Variants in DOK4 observed in about 807,000 individuals in gnomAD.
DOK4 encodes downstream of tyrosine kinase 4.
A neutral mutation model predicts 40.1 loss-of-function variants in DOK4; 26 were observed. The observed-to-expected ratio is 0.65, with a 90% CI of 0.48 to 0.90. The LOEUF (loss-of-function observed/expected upper bound fraction) is 0.90. Ranked by LOEUF, DOK4 falls within the 40% of genes least tolerant of loss-of-function variation. DOK4 has a pLI of 0.00. For missense variants in DOK4, 392 were observed against 437.2 expected (o/e 0.90, Z 0.92); for synonymous variants, 179 against 177.0 (o/e 1.01, Z -0.09).
At chr16:57,472,703 A>G (rs910822039) in exon 9 of DOK4, 6 of 152,442 alleles carry the variant, frequency 3.9e-5, no homozygotes, top group African/African-American at 1.4e-4. Context: ...CAAAGCAGGA[A>G]GGAGCCTGTG....
In DOK4 at chr16:57,474,888, G is replaced by A. The variant is rs766339715; in HGVS notation, c.504C>T (p.Asp168=). The A allele has an allele frequency of 1.4e-5, 22 of 1,614,066 alleles. No individual in the cohort carries two copies. In the Admixed American group the frequency reaches 2.3e-4, roughly 17 times the overall value. ...CGAGCTTCACACGGGGGTTGTGGATGTCCCAGAGGTAGATGTTCTCGTGGG... is the reference window on the plus strand; with the variant it reads ...CGAGCTTCACACGGGGGTTGTGGATATCCCAGAGGTAGATGTTCTCGTGGG... Residue 168 remains aspartate, a synonymous_variant, in exon 6 of 9, where the codon GAC becomes GAT. Transcript: ENST00000340099.
upstream of DOK4, among the ~76,000 whole-genome samples, chr16:57,486,811 C>T (rs1242136557): frequency 1.3e-5 from 2 of 150,806 alleles, no homozygotes; most frequent in African/African-American, 5.0e-5. Flanking sequence ...TCCCAGCCCC[C>T]ATATCTCAAT....
exon 8 of DOK4, chr16:57,473,631 C>G: frequency 6.2e-7 from 1 of 1,614,236 alleles, no homozygotes; most frequent in Non-Finnish European, 8.5e-7. Flanking sequence ...CTGGAGGCTT[C>G]GGCGATGTTC....
chr16:57,481,490 AT>A, intron 1 of DOK4: 1 of 152,354 alleles, frequency 6.6e-6, no homozygotes, highest in Middle Eastern at 3.4e-3. Context: ...AGATGGGTCA[AT>A]TTTCTCAGCT....
upstream of DOK4, chr16:57,486,551 G>A (rs1380338603): frequency 3.4e-5 from 5 of 147,880 alleles, no homozygotes; most frequent in African/African-American, 1.2e-4. Context: ...GCCCCGCCCT[G>A]GCGGCCGGCC....
At chr16:57,475,526 C>T (rs150601085) in exon 4 of DOK4, 137 of 1,607,820 alleles carry the variant, frequency 8.5e-5, no homozygotes, top group Non-Finnish European at 9.7e-5. Flanking sequence ...GGTGAAGGTA[C>T]GTGCCGAGTC....
chr16:57,475,824 G>A (rs760640603), intron 3 of DOK4, 26 bp downstream of exon 3: 1 of 1,595,302 alleles, frequency 6.3e-7, no homozygotes, highest in South Asian at 1.1e-5. Flanking sequence ...TGCCACTTGG[G>A]GGAGCTAGGG....
exon 4 of DOK4, chr16:57,475,549 G>A (rs375338208): frequency 1.6e-5 from 25 of 1,609,840 alleles, no homozygotes; most frequent in Middle Eastern, 4.3e-4. Flanking sequence ...CAGTGAATAT[G>A]ATGGCCACCG....
chr16:57,477,327 C>T (rs1213210603), intron 2 of DOK4, among the ~76,000 whole-genome samples: 1 of 152,198 alleles, frequency 6.6e-6, no homozygotes, highest in Non-Finnish European at 1.5e-5. Context: ...GGCCCCTGTC[C>T]TACCCACCTA....
chr16:57,473,526 G>A (rs371656807), intron 8 of DOK4, 31 bp from the exon 9 acceptor site: 1 of 1,614,108 alleles, frequency 6.2e-7, no homozygotes, highest in African/African-American at 1.3e-5. Context: ...TCAGAACTCA[G>A]AGCTAGGTCA....
At position 57,485,911 on chromosome 16, in the gene DOK4, C is replaced by CAGGA. The variant is rs1288214667; in HGVS notation, c.-182+390_-182+393dup. ...TTGGAATTTGGAGGAGGTGAGCGAA[C>CAGGA]AGGAGGCCCCGGGGAGGAGCAGGAA... is the stretch of plus-strand genomic sequence containing the variant. On this transcript the variant is annotated intron_variant, in intron 1 of 8. Transcript: ENST00000340099. This position sits in a 1 kb window ranked among gnomAD's most constrained non-coding sequence, Gnocchi z 4.3. 6.6e-6 allele frequency among the ~76,000 whole-genome samples: 1 copy of CAGGA among 152,112 alleles called. No homozygotes were observed. The highest frequency in any genetic ancestry group is 1.5e-5 in the Non-Finnish European group (1 of 68,018).
chr16:57,474,445 A>G (rs1398199671), intron 6 of DOK4, among the ~76,000 whole-genome samples: 3 of 111,004 alleles, frequency 2.7e-5, no homozygotes, highest in African/African-American at 7.8e-5. Context: ...GTGAGGGGAT[A>G]CCCAGTCTTC....
rs2031355665 is a variant in DOK4, at chr16:57,479,904, C to T, written c.-181-216G>A. On this transcript the variant is annotated intron_variant, in intron 1 of 8. Transcript: ENST00000340099. The surrounding 1 kb of genome is among the most constrained non-coding windows in gnomAD (Gnocchi z 5.8). ...TGGAGGCGGCAGTGAGGAAAATGGTCCAGCCCAGTCCCCTCCCTCACGGCT... is the reference window on the plus strand; with the variant it reads ...TGGAGGCGGCAGTGAGGAAAATGGTTCAGCCCAGTCCCCTCCCTCACGGCT... The T allele has an allele frequency of 5.6e-6, 1 of 178,744 alleles. No homozygotes were observed. Among genetic ancestry groups the T allele is most frequent in the Non-Finnish European group, 1.2e-5 (1 of 84,418 alleles). 11.1% of individuals were successfully genotyped at this position (178,744 alleles called of 1,614,324 possible). A position where few individuals can be genotyped will look rare whatever the true frequency, so the allele number is the denominator to read the frequency against.
At chr16:57,473,876 C>T (rs1182203596) in intron 7 of DOK4, 25 bp downstream of exon 7, 11 of 1,599,762 alleles carry the variant, frequency 6.9e-6, no homozygotes, top group Non-Finnish European at 9.4e-6. Flanking sequence ...CCCCCCGTAC[C>T]CTGGACTGAT....
At position 57,479,529 on chromosome 16, in the gene DOK4, C is replaced by T. The variant is rs898127831; in HGVS notation, c.-22G>A. On this transcript the variant is annotated 5_prime_UTR_variant, in exon 2 of 9. Transcript: ENST00000340099. The surrounding 1 kb of genome is among the most constrained non-coding windows in gnomAD (Gnocchi z 5.8). ...CCATGGTTTTCCCACCTTTTAGGGG[C>T]GCGGGGCCTGGCAGAGGCGAGGGGA... The T allele has an allele frequency of 5.0e-6, 8 of 1,612,410 alleles. No individual in the cohort carries two copies. The highest frequency in any genetic ancestry group is 2.7e-5 in the African/African-American group (2 of 74,860).
Position 57,473,887 on chromosome 16 carries a change from G to GC in DOK4, c.738+13dup. ...CCCTCCCCCCGTACCCTGGACTGAT[G>GC]CCCGCTGCCTCACCCTCACGTTCTT... is the stretch of plus-strand genomic sequence containing the variant. On this transcript the variant is annotated intron_variant, in intron 7 of 8. Transcript: ENST00000340099. 7.8e-7 allele frequency: 1 copy of GC among 1,283,102 alleles called. No individual in the cohort carries two copies. Among genetic ancestry groups the GC allele is most frequent in the Non-Finnish European group, 1.1e-6 (1 of 899,284 alleles). 79.5% of individuals were successfully genotyped at this position (1,283,102 alleles called of 1,614,324 possible).
chr16:57,483,232 G>T (rs1016009137), intron 1 of DOK4, among the ~76,000 whole-genome samples: 1 of 152,140 alleles, frequency 6.6e-6, no homozygotes, highest in South Asian at 2.1e-4. Context: ...AAGTGGTGAG[G>T]GGGGGGCCCA....
Position 57,479,599 on chromosome 16 carries a change from T to A in DOK4, c.-92A>T, listed in dbSNP as rs2031340271. On this transcript the variant is annotated 5_prime_UTR_variant, in exon 2 of 9. Transcript: ENST00000340099. The surrounding 1 kb of genome is among the most constrained non-coding windows in gnomAD (Gnocchi z 5.8). ...GTCTCCGGCTCCTCCAATCACCTGTTCCAGACACTCTGTCGGGGCTGCCGC... is the reference window on the plus strand; with the variant it reads ...GTCTCCGGCTCCTCCAATCACCTGTACCAGACACTCTGTCGGGGCTGCCGC... The A allele has an allele frequency of 6.4e-6, 9 of 1,414,566 alleles. No homozygotes were observed. In the South Asian group the frequency reaches 1.0e-4, roughly 16 times the overall value. 87.6% of individuals were successfully genotyped at this position (1,414,566 alleles called of 1,614,324 possible).
At chr16:57,475,513 G>A (rs376246038) in exon 4 of DOK4, 10 of 1,604,758 alleles carry the variant, frequency 6.2e-6, no homozygotes, top group African/African-American at 4.0e-5. Flanking sequence ...CACCTGAGTC[G>A]CAGGTGAAGG....
Sources: allele counts gnomAD v4.1 joint callset (sites outside exome capture counted in the v4.1 genomes callset), GRCh38; gene constraint gnomAD v4.1.1; non-coding constraint Gnocchi (gnomAD v3.1); transcripts MANE v1.5; gene names NCBI Gene and HGNC (gene_info 2026-07-23, HGNC 2026-07-21).